The following ELOVL6 variants were observed in gnomAD, a reference collection of about 807,000 sequenced individuals.
The protein encoded by ELOVL6 is ELOVL fatty acid elongase 6.
In ELOVL6, 8 loss-of-function variants were observed where a neutral mutation model predicts 31.7. That is an observed-to-expected ratio of 0.25 (90% CI 0.15 to 0.45). ELOVL6 has a LOEUF of 0.45. ELOVL6 is among the 20% of genes least tolerant of loss of function. The pLI is 1.00. For synonymous variants in ELOVL6, 101 were observed against 117.7 expected (o/e 0.86, Z 0.92); for missense variants, 126 against 326.4 (o/e 0.39, Z 4.73).
chr4:110,075,722 C>T (rs144416355), intron 2 of ELOVL6, among the ~76,000 whole-genome samples: 80 of 152,272 alleles, frequency 5.3e-4, no homozygotes, highest in African/African-American at 1.7e-3. Context: ...GAACTATACA[C>T]ATAAAATGGT....
chr4:110,184,891 C>T lies in ELOVL6; in HGVS notation c.89+13356G>A, dbSNP rs149375524. 2.6e-5 allele frequency among the ~76,000 whole-genome samples: 4 copies of T among 152,298 alleles called. No individual in the cohort carries two copies. In the East Asian group the frequency reaches 7.7e-4, roughly 29 times the overall value. Reference sequence around the variant, plus strand: ...GAGATGGAATCAGTTTCATACAGAGCAGTGCTTCTCCCTAGGGCAAGTGGG... The same window carrying T: ...GAGATGGAATCAGTTTCATACAGAGTAGTGCTTCTCCCTAGGGCAAGTGGG... On this transcript the variant is annotated intron_variant, in intron 1 of 3. Transcript: ENST00000302274.
chr4:110,054,554 AT>A (rs1271008126), intron 3 of ELOVL6, among the ~76,000 whole-genome samples: 1 of 152,268 alleles, frequency 6.6e-6, no homozygotes, highest in African/African-American at 2.4e-5. Context: ...ATTAACTAAA[AT>A]ATAAACCCCT....
chr4:110,189,211 G>A (rs530647830), intron 1 of ELOVL6, among the ~76,000 whole-genome samples: 46 of 152,106 alleles, frequency 3.0e-4, no homozygotes, highest in East Asian at 5.8e-4. Flanking sequence ...ACCAAGAAGC[G>A]GAGTTTGAGA....
At chr4:110,083,946 C>T (rs373492370) in intron 2 of ELOVL6, among the ~76,000 whole-genome samples, 1 of 23,096 alleles carries the variant, frequency 4.3e-5, no homozygotes, top group Non-Finnish European at 6.9e-5. Flanking sequence ...ATATATATAA[C>T]ATGTTATATA....
At chr4:110,163,214 C>G (rs933878889) in intron 1 of ELOVL6, among the ~76,000 whole-genome samples, 5 of 152,168 alleles carry the variant, frequency 3.3e-5, no homozygotes, top group Admixed American at 3.3e-4. Flanking sequence ...ATCTGGATCT[C>G]TCTTCTCCTA....
intron 1 of ELOVL6, among the ~76,000 whole-genome samples, chr4:110,119,803 T>A (rs62326560): frequency 6.6e-6 from 1 of 151,986 alleles, no homozygotes; most frequent in Non-Finnish European, 1.5e-5. Flanking sequence ...ATAGCTCCCA[T>A]TTCTTCATAA....
chr4:110,158,657 A>ATATATATATATTTTTTTT, intron 1 of ELOVL6, among the ~76,000 whole-genome samples: 4 of 74,158 alleles, frequency 5.4e-5, no homozygotes, highest in Non-Finnish European at 9.2e-5. Flanking sequence ...ATATATATAT[A>ATATATATATATTTTTTTT]TTTTTTTTTT....
chr4:110,088,989 T>A (rs947230176), intron 2 of ELOVL6, among the ~76,000 whole-genome samples: 2 of 152,208 alleles, frequency 1.3e-5, no homozygotes, highest in Non-Finnish European at 1.5e-5. Context: ...ACTGCACTCG[T>A]GTTTCATTGT....
intron 2 of ELOVL6, among the ~76,000 whole-genome samples, chr4:110,071,898 A>G (rs1755494599): frequency 6.6e-6 from 1 of 152,254 alleles, no homozygotes; most frequent in African/African-American, 2.4e-5. Context: ...GGATTTTCCA[A>G]AAGATTTCAG....
At chr4:110,076,196 C>A (rs1560808343) in intron 2 of ELOVL6, among the ~76,000 whole-genome samples, 1 of 152,098 alleles carries the variant, frequency 6.6e-6, no homozygotes, top group Non-Finnish European at 1.5e-5. Flanking sequence ...TAAATTGAAT[C>A]TTTTTATAGG....
Position 110,084,135 on chromosome 4 carries a change from A to ATGATATATATGATATATATAACATATATG in ELOVL6, c.221+21333_221+21361dup, listed in dbSNP as rs1167087558. 2.3e-4 allele frequency among the ~76,000 whole-genome samples: 8 copies of ATGATATATATGATATATATAACATATATG among 35,300 alleles called. No individual in the cohort carries two copies. In the South Asian group the frequency reaches 2.6e-3, roughly 11 times the overall value. The allele number at this position is 35,300 out of a possible 152,430, so 23.2% of individuals were successfully genotyped here. A position where few individuals can be genotyped will look rare whatever the true frequency, so the allele number is the denominator to read the frequency against. Reference sequence around the variant, plus strand: ...TGATATATATAACATATATGTGATAATGATATATATGATATATATAACATA... The same window carrying ATGATATATATGATATATATAACATATATG: ...TGATATATATAACATATATGTGATAATGATATATATGATATATATAACATATATGTGATATATATGATATATATAACATA... On this transcript the variant is annotated intron_variant, in intron 2 of 3. Coordinates refer to ENST00000302274, the MANE Select transcript of ELOVL6 (RefSeq NM_024090.3).
At chr4:110,073,311 A>ATT (rs879322313) in intron 2 of ELOVL6, among the ~76,000 whole-genome samples, 32 of 147,930 alleles carry the variant, frequency 2.2e-4, no homozygotes, top group African/African-American at 7.9e-4. Context: ...TCACAGAGGC[A>ATT]TTTTTTTTTT....
intron 1 of ELOVL6, among the ~76,000 whole-genome samples, chr4:110,185,700 TCA>T (rs768130921): frequency 2.0e-5 from 3 of 151,874 alleles, no homozygotes; most frequent in Non-Finnish European, 4.4e-5. Context: ...TCAGCTAGAG[TCA>T]CAATTAGGAT....
intron 1 of ELOVL6, among the ~76,000 whole-genome samples, chr4:110,148,243 G>A (rs1262177055): frequency 6.6e-6 from 1 of 151,638 alleles, no homozygotes; most frequent in African/African-American, 2.4e-5. Context: ...CTAGTCATCA[G>A]AAAAATTCAA....
At chr4:110,083,985 T>TATA (rs1560813338) in intron 2 of ELOVL6, among the ~76,000 whole-genome samples, 4 of 74,296 alleles carry the variant, frequency 5.4e-5, no homozygotes, top group African/African-American at 2.0e-4. Context: ...ATATGCCATA[T>TATA]ACGATATATA....
At chr4:110,133,675 T>A (rs530548768) in intron 1 of ELOVL6, among the ~76,000 whole-genome samples, 2 of 152,286 alleles carry the variant, frequency 1.3e-5, no homozygotes, top group East Asian at 3.9e-4. Context: ...AGTCCTAGGC[T>A]AAAAGGAAGT....
At chr4:110,191,914 G>C (rs1759634396) in intron 1 of ELOVL6, among the ~76,000 whole-genome samples, 1 of 152,174 alleles carries the variant, frequency 6.6e-6, no homozygotes, top group Admixed American at 6.6e-5. Flanking sequence ...CTCTGGCCGG[G>C]CATGGTGGCT....
intron 1 of ELOVL6, among the ~76,000 whole-genome samples, chr4:110,190,665 C>T (rs7689610): frequency 0.016 from 2,463 of 152,036 alleles, 70 homozygotes; most frequent in African/African-American, 0.056. Context: ...CCACCACGCC[C>T]GGCTAATTTT....
intron 1 of ELOVL6, among the ~76,000 whole-genome samples, chr4:110,160,238 G>C (rs1368823989): frequency 6.6e-6 from 1 of 152,132 alleles, no homozygotes; most frequent in Non-Finnish European, 1.5e-5. Flanking sequence ...TACAGGTAGA[G>C]CATTTTCACT....
Sources: gnomAD v4.1 joint callset for allele counts (sites outside exome capture counted in the v4.1 genomes callset) on GRCh38, gnomAD v4.1.1 for gene constraint, MANE v1.5 for transcripts, NCBI Gene and HGNC (gene_info 2026-07-23, HGNC 2026-07-21) for gene names.